WDPCP: variants seen among roughly 807,000 people sequenced by gnomAD.
WDPCP encodes WD repeat-containing and planar cell polarity effector protein fritz homolog.
WDPCP carries 71 observed loss-of-function variants against 93.1 expected under a neutral mutation model. The ratio of observed to expected loss-of-function variants is 0.76; its 90% CI spans 0.63 to 0.93. WDPCP has a LOEUF of 0.93. WDPCP is among the 40% of genes least tolerant of loss of function. The probability of loss-of-function intolerance (pLI) is 0.00; values close to 1 mark genes in which losing one functional copy is unlikely to be tolerated. For missense variants in WDPCP, 844 were observed against 887.4 expected, an observed-to-expected ratio of 0.95 and a Z score of 0.62; for synonymous variants, 315 against 315.0, an observed-to-expected ratio of 1.00 and a Z score of 0.00.
At chr2:63,372,012 TG>T in intron 12 of WDPCP, among the ~76,000 whole-genome samples, 1 of 152,190 alleles carries the variant, frequency 6.6e-6, no homozygotes, top group East Asian at 1.9e-4. Context: ...GAGGTTTAAT[TG>T]GCTCATGGTT....
At chr2:63,432,127 T>C (rs1696806885) in intron 9 of WDPCP, among the ~76,000 whole-genome samples, 1 of 152,142 alleles carries the variant, frequency 6.6e-6, no homozygotes, top group Admixed American at 6.6e-5. Flanking sequence ...CTTTTGGTAC[T>C]GTTACAGAGA....
chr2:63,812,364 G>A (rs1225378363), intron 2 of WDPCP, among the ~76,000 whole-genome samples: 1 of 152,162 alleles, frequency 6.6e-6, no homozygotes, highest in African/African-American at 2.4e-5. Context: ...GAATAGTGCT[G>A]TGATGAACAG....
intron 6 of WDPCP, among the ~76,000 whole-genome samples, chr2:63,474,460 T>C (rs938902775): frequency 2.0e-5 from 3 of 152,142 alleles, no homozygotes; most frequent in African/African-American, 4.8e-5. Context: ...TGCCCTCCAA[T>C]TGGCAATTGT....
At chr2:63,296,164 A>G (rs1684836486) in intron 13 of WDPCP, among the ~76,000 whole-genome samples, 1 of 151,966 alleles carries the variant, frequency 6.6e-6, no homozygotes, top group Admixed American at 6.6e-5. Context: ...GATTCACCAC[A>G]TAAACAGAAT....
chr2:63,702,584 G>A (rs544118523), intron 2 of WDPCP, among the ~76,000 whole-genome samples: 2 of 151,028 alleles, frequency 1.3e-5, no homozygotes, highest in South Asian at 2.1e-4. Context: ...TGTCTCCCAG[G>A]GAGGAGTGCA....
intron 15 of WDPCP, among the ~76,000 whole-genome samples, chr2:63,161,912 T>A (rs1672674795): frequency 6.6e-6 from 1 of 152,066 alleles, no homozygotes; most frequent in Admixed American, 6.6e-5. Flanking sequence ...TGCAGGCATG[T>A]GCCACCACAC....
In WDPCP at chr2:63,587,786, A is replaced by T. The variant is rs201756236; in HGVS notation, c.75+411T>A. Among the ~76,000 whole-genome samples the T allele has an allele frequency of 5.3e-5, 8 of 152,232 alleles. No individual in the cohort carries two copies. The East Asian group carries it at 1.2e-3, about 22-fold the overall frequency. On this transcript the variant is annotated intron_variant, in intron 1 of 17. Transcript: ENST00000272321. The stretch of plus-strand genomic sequence containing the variant: ...CCTTCAGTCGCCAGTCTTTCCTTAG[A>T]AATGCCTGTTTGGCATAACTTTAAG...
At chr2:63,595,512 C>G in intron 3 of WDPCP, 1 of 1,602,094 alleles carries the variant, frequency 6.2e-7, no homozygotes, top group Non-Finnish European at 8.6e-7. Context: ...CCCTTCCCCT[C>G]CTGAAAGGTG....
intron 2 of WDPCP, among the ~76,000 whole-genome samples, chr2:63,683,796 C>A (rs940976321): frequency 6.6e-6 from 1 of 151,664 alleles, no homozygotes; most frequent in Non-Finnish European, 1.5e-5. Context: ...TTGCAGTGAG[C>A]CAAGATTGTG....
At position 63,664,493 on chromosome 2, in the gene WDPCP, G is replaced by A. The variant is rs144074783; in HGVS notation, n.309-13655C>T. On this transcript the variant is annotated intron_variant and non_coding_transcript_variant, in intron 2 of 4. Transcript: ENST00000467687. The stretch of plus-strand genomic sequence containing the variant: ...TCCATCCTTGGCAAAAGAGCTCCAT[G>A]AGGGACTCCTTCTTTCTGCACCGGC... Among the ~76,000 whole-genome samples, 109 of 152,288 alleles carry A rather than the reference G, an allele frequency of 7.2e-4. 1 individual carries two copies. Among genetic ancestry groups the A allele is most frequent in the African/African-American group, 2.5e-3 (104 of 41,556 alleles).
chr2:63,741,234 C>A (rs989686300), intron 2 of WDPCP, among the ~76,000 whole-genome samples: 4 of 152,102 alleles, frequency 2.6e-5, no homozygotes, highest in African/African-American at 9.7e-5. Flanking sequence ...AGACAAAGCA[C>A]TTAATAAAGA....
chr2:63,184,318 G>A (rs1402911998), intron 14 of WDPCP, among the ~76,000 whole-genome samples: 1 of 151,892 alleles, frequency 6.6e-6, no homozygotes, highest in East Asian at 1.9e-4. Context: ...AGACCTGTGA[G>A]TTTTATAGTT....
At chr2:63,601,420 T>G (rs750713642) in intron 3 of WDPCP, among the ~76,000 whole-genome samples, 1 of 152,182 alleles carries the variant, frequency 6.6e-6, no homozygotes, top group Non-Finnish European at 1.5e-5. Flanking sequence ...TAATTTGACA[T>G]TGATACCAGA....
rs547988986 is a variant in WDPCP, at chr2:63,746,785, G to A, written n.308+66837C>T. Among the ~76,000 whole-genome samples, 76 of 152,268 alleles carry A rather than the reference G, an allele frequency of 5.0e-4. 2 individuals carry two copies. The South Asian group carries it at 0.012, about 23-fold the overall frequency. On this transcript the variant is annotated intron_variant and non_coding_transcript_variant, in intron 2 of 4. Transcript: ENST00000467687. Reference sequence around the variant, plus strand: ...TTAAGATGTTTATCAATGATAATGCGTGCACAGCGGGACATGGAAGTTCAT... The same window carrying A: ...TTAAGATGTTTATCAATGATAATGCATGCACAGCGGGACATGGAAGTTCAT...
At chr2:63,375,807 A>G (rs932171) in intron 12 of WDPCP, among the ~76,000 whole-genome samples, 118,816 of 151,802 alleles carry the variant, frequency 0.78, 47,066 homozygotes, top group East Asian at 0.96. Flanking sequence ...AATCAATGTA[A>G]TATTTTACTC....
At chr2:63,281,377 G>A (rs948740866) in intron 13 of WDPCP, among the ~76,000 whole-genome samples, 2 of 152,246 alleles carry the variant, frequency 1.3e-5, no homozygotes, top group South Asian at 4.1e-4. Context: ...TTACACTGTT[G>A]GTGGGAATGT....
At chr2:63,343,443 T>A (rs192236162) in intron 12 of WDPCP, among the ~76,000 whole-genome samples, 1 of 152,348 alleles carries the variant, frequency 6.6e-6, no homozygotes, top group East Asian at 1.9e-4. Flanking sequence ...GGATCCCTTC[T>A]ACATGACAAA....
chr2:63,493,008 CTTAG>C (rs958602598), intron 1 of WDPCP, 68 bp from the exon 2 acceptor site: 25 of 1,303,752 alleles, frequency 1.9e-5, no homozygotes, highest in Admixed American at 8.8e-5. Flanking sequence ...ACCAAGATAC[CTTAG>C]AAATAGTAAA....
chr2:63,181,025 G>A (rs1257543620), intron 14 of WDPCP, among the ~76,000 whole-genome samples: 1 of 151,950 alleles, frequency 6.6e-6, no homozygotes, highest in African/African-American at 2.4e-5. Context: ...GTAGGAGGTG[G>A]GTAAAGGATG....
Sources: allele counts gnomAD v4.1 joint callset (sites outside exome capture counted in the v4.1 genomes callset), GRCh38; gene constraint gnomAD v4.1.1; transcripts MANE v1.5; gene names NCBI Gene and HGNC (gene_info 2026-07-23, HGNC 2026-07-21).